The following OSBPL9 variants were observed in gnomAD, a reference collection of about 807,000 sequenced individuals.
OSBPL9 encodes oxysterol-binding protein-related protein 9.
In OSBPL9, 40 loss-of-function variants were observed where a neutral mutation model predicts 106.6. The observed-to-expected ratio is 0.38, with a 90% CI of 0.29 to 0.49. The LOEUF (loss-of-function observed/expected upper bound fraction) is 0.49, where lower values mean the gene tolerates loss of function less well. OSBPL9 is among the 20% of genes least tolerant of loss of function. The probability of loss-of-function intolerance (pLI) is 0.97; values close to 1 mark genes in which losing one functional copy is unlikely to be tolerated. For synonymous variants in OSBPL9, 269 were observed against 295.4 expected (o/e 0.91, Z 0.92); for missense variants, 609 against 887.2 (o/e 0.69, Z 3.98).
intron 2 of OSBPL9, among the ~76,000 whole-genome samples, chr1:51,657,838 C>T (rs1646909110): frequency 6.6e-6 from 1 of 152,156 alleles, no homozygotes; most frequent in Non-Finnish European, 1.5e-5. Flanking sequence ...TGGCTCATGC[C>T]TGTAATCCCA....
At chr1:51,596,824 T>C (rs137944811) in intron 1 of OSBPL9, among the ~76,000 whole-genome samples, 20 of 152,268 alleles carry the variant, frequency 1.3e-4, no homozygotes, top group African/African-American at 4.1e-4. Context: ...AAGGTCCTCC[T>C]ATATGCCAGG....
upstream of OSBPL9, among the ~76,000 whole-genome samples, chr1:51,573,376 T>C (rs751618148): frequency 1.7e-4 from 25 of 146,724 alleles, no homozygotes; most frequent in Non-Finnish European, 3.3e-4. Flanking sequence ...GGCATGGTAG[T>C]GCATGCCTGT....
intron 18 of OSBPL9, 63 bp downstream of exon 18, chr1:51,784,088 CT>C: frequency 2.0e-6 from 3 of 1,476,542 alleles, no homozygotes; most frequent in Non-Finnish European, 2.8e-6. Context: ...AATGGCTAGA[CT>C]AGATGTCATT....
At chr1:51,702,604 G>C (rs1312825335) in intron 3 of OSBPL9, among the ~76,000 whole-genome samples, 3 of 152,114 alleles carry the variant, frequency 2.0e-5, no homozygotes, top group African/African-American at 4.8e-5. Flanking sequence ...TGCCTGTTCA[G>C]TCTGATGGTA....
At chr1:51,601,767 G>A (rs1379011304) in intron 2 of OSBPL9, among the ~76,000 whole-genome samples, 1 of 152,146 alleles carries the variant, frequency 6.6e-6, no homozygotes, top group Admixed American at 6.5e-5. Context: ...GAAAAGAAAT[G>A]CACCTGTATT....
At chr1:51,781,068 C>A in intron 15 of OSBPL9, 96 bp from the exon 16 acceptor site, 1 of 1,190,488 alleles carries the variant, frequency 8.4e-7, no homozygotes, top group East Asian at 2.5e-5. Context: ...CCTCAGTCCT[C>A]TCAGCCTGAC....
chr1:51,752,774 G>A, intron 8 of OSBPL9: 1 of 278,714 alleles, frequency 3.6e-6, no homozygotes, highest in Admixed American at 4.1e-5. Context: ...ATAGCAAGCT[G>A]TTTGGTTTCT....
intron 4 of OSBPL9, among the ~76,000 whole-genome samples, chr1:51,734,610 G>A (rs1665227893): frequency 6.6e-6 from 1 of 152,168 alleles, no homozygotes; most frequent in African/African-American, 2.4e-5. Context: ...CACAATCCTA[G>A]AGCTGGAGAG....
chr1:51,717,781 C>T (rs544774991), intron 4 of OSBPL9, among the ~76,000 whole-genome samples: 1 of 151,842 alleles, frequency 6.6e-6, no homozygotes, highest in Non-Finnish European at 1.5e-5. Flanking sequence ...TTAGTACAGC[C>T]ACTGTGGAGA....
chr1:51,773,358 A>G (rs1029042513), intron 14 of OSBPL9, among the ~76,000 whole-genome samples: 1 of 152,148 alleles, frequency 6.6e-6, no homozygotes, highest in Non-Finnish European at 1.5e-5. Context: ...GCCTTTGTAT[A>G]TTCCTGCCAC....
chr1:51,644,211 C>G (rs1349584645), intron 1 of OSBPL9, among the ~76,000 whole-genome samples: 2 of 151,502 alleles, frequency 1.3e-5, no homozygotes, highest in Non-Finnish European at 2.9e-5. Flanking sequence ...TTTCTTTTTC[C>G]CTTATGACCT....
upstream of OSBPL9, chr1:51,617,047 C>CCCCAGGG: frequency 6.5e-7 from 1 of 1,544,306 alleles, no homozygotes; most frequent in Non-Finnish European, 8.7e-7. Context: ...CCCCGCCCCC[C>CCCCAGGG]GCATGCTGAA....
intron 2 of OSBPL9, among the ~76,000 whole-genome samples, chr1:51,660,797 G>C (rs1332017511): frequency 1.3e-5 from 2 of 152,128 alleles, no homozygotes; most frequent in African/African-American, 4.8e-5. Context: ...TGTTCCTCCA[G>C]GGCATAGACA....
At position 51,748,442 on chromosome 1, in the gene OSBPL9, G is replaced by A. The variant is rs373432480; in HGVS notation, c.492+44G>A. 8 of 1,430,718 alleles carry A rather than the reference G, an allele frequency of 5.6e-6. No individual in the cohort carries two copies. In the East Asian group the frequency reaches 1.9e-4, roughly 34 times the overall value. The allele number at this position is 1,430,718 out of a possible 1,614,324, so 88.6% of individuals were successfully genotyped here. On this transcript the variant is annotated intron_variant, in intron 7 of 23. Transcript: ENST00000428468. ...ACATTCTGACTTTGCATTAGAAAATGTTTTAAAAAGTTATTTCTATTTTAA... is the reference window on the plus strand; with the variant it reads ...ACATTCTGACTTTGCATTAGAAAATATTTTAAAAAGTTATTTCTATTTTAA...
At chr1:51,740,131 C>A in intron 4 of OSBPL9, 2 of 1,549,146 alleles carry the variant, frequency 1.3e-6, no homozygotes, top group Non-Finnish European at 8.7e-7. Context: ...CTTTTCCTTA[C>A]TTTTATGGAA....
At chr1:51,566,574 A>G in the OSBPL9 span, 3 of 152,164 alleles carry the variant, frequency 2.0e-5, no homozygotes, top group African/African-American at 7.2e-5. Flanking sequence ...TTTCAGTTCC[A>G]TTTTGAACAT....
chr1:51,526,087 G>A, the OSBPL9 span, among the ~76,000 whole-genome samples: 2 of 152,184 alleles, frequency 1.3e-5, no homozygotes, highest in African/African-American at 4.8e-5. Flanking sequence ...ACATTGCCCA[G>A]GTTGGTCTTA....
intron 17 of OSBPL9, 124 bp downstream of exon 17, chr1:51,782,767 T>C (rs991029327): frequency 1.3e-6 from 1 of 749,174 alleles, no homozygotes; most frequent in South Asian, 2.5e-5. Flanking sequence ...TCTTATTCCC[T>C]GAAGTGGAAA....
At chr1:51,573,914 A>G (rs1160352094), upstream of OSBPL9, 1 of 152,096 alleles carries the variant, frequency 6.6e-6, no homozygotes, top group Non-Finnish European at 1.5e-5. Context: ...ATATTAATAT[A>G]CAATAATTAT....
Sources: gnomAD v4.1 joint callset for allele counts (sites outside exome capture counted in the v4.1 genomes callset) on GRCh38, gnomAD v4.1.1 for gene constraint, MANE v1.5 for transcripts, NCBI Gene and HGNC (gene_info 2026-07-23, HGNC 2026-07-21) for gene names.